AK6: variants seen among roughly 807,000 people sequenced by gnomAD.
The protein encoded by AK6 is adenylate kinase 6, also known as adenylate kinase isoenzyme 6.
AK6 carries 24 observed loss-of-function variants against 23.7 expected under a neutral mutation model. The ratio of observed to expected loss-of-function variants is 1.01; its 90% CI spans 0.73 to 1.43. The LOEUF (loss-of-function observed/expected upper bound fraction) is 1.43. Ranked by LOEUF, AK6 falls within the 40% of genes most tolerant of loss-of-function variation. The pLI is 0.00. For missense variants in AK6, 191 were observed against 199.1 expected (o/e 0.96, Z 0.24); for synonymous variants, 73 against 69.8 (o/e 1.05, Z -0.23).
At chr5:69,361,563 T>C (rs1181452321) in intron 2 of AK6, among the ~76,000 whole-genome samples, 3 of 151,020 alleles carry the variant, frequency 2.0e-5, no homozygotes, top group Admixed American at 1.3e-4. Context: ...CTCAGCCTCC[T>C]GAGTAGCTGG....
intron 2 of AK6, chr5:69,365,404 C>A (rs1342338297): frequency 6.2e-7 from 1 of 1,614,196 alleles, no homozygotes; most frequent in Non-Finnish European, 8.5e-7. Flanking sequence ...AACCTAGGAC[C>A]TGAATATGGC....
upstream of AK6, chr5:69,369,649 C>G (rs1416700213): frequency 1.3e-6 from 2 of 1,561,006 alleles, no homozygotes; most frequent in East Asian, 2.4e-5. Context: ...CCGCGGCCCA[C>G]TGGTTACCTG....
chr5:69,356,043 T>C, intron 2 of AK6, 90 bp from the exon 3 acceptor site: 2 of 1,073,878 alleles, frequency 1.9e-6, no homozygotes, highest in South Asian at 1.5e-5. Context: ...AAAGGAAATG[T>C]ATCATCAATT....
At chr5:69,369,093 T>C (rs1469257477) in intron 1 of AK6, 1 of 362,344 alleles carries the variant, frequency 2.8e-6, no homozygotes, top group East Asian at 5.3e-5. Context: ...GATATGGCCT[T>C]ACGTTATTTC....
At chr5:69,369,582 C>T, upstream of AK6, 13 of 1,602,800 alleles carry the variant, frequency 8.1e-6, no homozygotes, top group Non-Finnish European at 8.5e-7. Flanking sequence ...CAAAAGCCCA[C>T]GGCCCCAAAG....
At chr5:69,361,113 A>C (rs538721417) in intron 2 of AK6, among the ~76,000 whole-genome samples, 45 of 152,284 alleles carry the variant, frequency 3.0e-4, no homozygotes, top group African/African-American at 1.1e-3. Flanking sequence ...TTGAGACTGG[A>C]AGAATAGCAA....
chr5:69,369,237 C>CG (rs1762718308), intron 1 of AK6: 3 of 57,194 alleles, frequency 5.2e-5, no homozygotes, highest in African/African-American at 8.8e-5. Context: ...CCCCCCCCCG[C>CG]CCCCCCCCGG....
At position 69,355,877 on chromosome 5, in the gene AK6, T is replaced by C. The variant is rs780019429; in HGVS notation, c.180+18A>G. On this transcript the variant is annotated intron_variant, in intron 3 of 4. Coordinates refer to ENST00000380822, the MANE Select transcript of AK6 (RefSeq NM_016283.5). ...TGAAATTCAACAAATGCATACTTTA[T>C]GAAAAAGTCATACTTACTCTGTCTT... 6.2e-7 allele frequency: 1 copy of C among 1,604,104 alleles called. No individual in the cohort carries two copies. The highest frequency in any genetic ancestry group is 1.1e-5 in the South Asian group (1 of 88,620).
chr5:69,359,548 C>A lies in AK6; in HGVS notation c.122-3595G>T, dbSNP rs370459417. ...GTGTGAGCCACTGCGCCAGGCCCCA[C>A]AAAATTTTTTAAAGCTCATTCTTAC... On this transcript the variant is annotated intron_variant, in intron 2 of 4. Coordinates refer to ENST00000380822, the MANE Select transcript of AK6 (RefSeq NM_016283.5). 3.4e-4 allele frequency among the ~76,000 whole-genome samples: 51 copies of A among 152,214 alleles called. No individual in the cohort carries two copies. In the East Asian group the frequency reaches 9.7e-3, roughly 29 times the overall value.
chr5:69,351,612 G>C lies in AK6; in HGVS notation c.*449C>G, dbSNP rs1160761558. 6.5e-6 allele frequency: 1 copy of C among 152,702 alleles called. No homozygotes were observed. Among genetic ancestry groups the C allele is most frequent in the Non-Finnish European group, 1.5e-5 (1 of 68,464 alleles). The allele number at this position is 152,702 out of a possible 1,614,324, so 9.5% of individuals were successfully genotyped here. ...ACCTGGGGTGCCTGGGGATAGGGTGGTCTGGAAGGGAGACCTAACTTTTCA... is the reference window on the plus strand; with the variant it reads ...ACCTGGGGTGCCTGGGGATAGGGTGCTCTGGAAGGGAGACCTAACTTTTCA... On this transcript the variant is annotated 3_prime_UTR_variant, in exon 5 of 5. Transcript: ENST00000380822.
intron 1 of AK6, chr5:69,369,252 T>G (rs1209529535): frequency 9.8e-5 from 2 of 20,440 alleles, no homozygotes; most frequent in Non-Finnish European, 8.5e-5. Flanking sequence ...CCCCGGAGCC[T>G]CAGGCCAACG....
chr5:69,355,479 C>A, intron 4 of AK6, 170 bp downstream of exon 4: 1 of 635,924 alleles, frequency 1.6e-6, no homozygotes. Flanking sequence ...TGCAGTGGAC[C>A]GAGATCACAC....
intron 2 of AK6, chr5:69,365,122 T>C: frequency 6.2e-7 from 1 of 1,614,210 alleles, no homozygotes; most frequent in South Asian, 1.1e-5. Flanking sequence ...ACTGCTGAGG[T>C]TGCAGGAATT....
intron 2 of AK6, among the ~76,000 whole-genome samples, chr5:69,359,066 C>A (rs1326766411): frequency 1.3e-5 from 2 of 150,984 alleles, no homozygotes; most frequent in Non-Finnish European, 3.0e-5. Context: ...CATAGCAACA[C>A]CCCACCACTA....
chr5:69,367,283 C>T (rs1162675519), intron 1 of AK6, among the ~76,000 whole-genome samples: 1 of 151,528 alleles, frequency 6.6e-6, no homozygotes, highest in Non-Finnish European at 1.5e-5. Context: ...GAGGCCGAGG[C>T]GGGCAGATCA....
In AK6 at chr5:69,355,779, C is replaced by A; in HGVS notation, c.196G>T (p.Asp66Tyr). The part of the protein sequence containing the change: ...LDEDRVVDEL[D>Y]NQMREGGVIV... ...ACTCCACCTTCTCTCATTTGGTTAT[C>A]TAACTCATCAACTACCTGTAAGAAA... Residue 66 changes from aspartate to tyrosine, a missense_variant, in exon 4 of 5, where the codon GAT becomes TAT. By Grantham distance (160) the Asp-to-Tyr change is radical. Transcript: ENST00000380822. 1 of 1,608,886 alleles carries A rather than the reference C, an allele frequency of 6.2e-7. No individual in the cohort carries two copies. The highest frequency in any genetic ancestry group is 8.5e-7 in the Non-Finnish European group (1 of 1,178,656).
At chr5:69,357,576 T>C (rs984006353) in intron 2 of AK6, among the ~76,000 whole-genome samples, 1 of 152,016 alleles carries the variant, frequency 6.6e-6, no homozygotes, top group African/African-American at 2.4e-5. Context: ...GTAGATAATA[T>C]AAAGACCTTA....
chr5:69,358,473 G>A (rs369997841), intron 2 of AK6, among the ~76,000 whole-genome samples: 18 of 138,420 alleles, frequency 1.3e-4, no homozygotes, highest in East Asian at 6.4e-4. Context: ...AGCTGAGATC[G>A]CGCCACTGCA....
chr5:69,369,223 T>TCCCCCCCCCCCCCCC, intron 1 of AK6: 1 of 277,858 alleles, frequency 3.6e-6, no homozygotes, highest in South Asian at 4.7e-5. Context: ...CCGACCTCTC[T>TCCCCCCCCCCCCCCC]CCACCCCCCC....
Sources: allele counts gnomAD v4.1 joint callset (sites outside exome capture counted in the v4.1 genomes callset), GRCh38; gene constraint gnomAD v4.1.1; transcripts MANE v1.5; gene names NCBI Gene and HGNC (gene_info 2026-07-23, HGNC 2026-07-21).